WDR35: variants seen among roughly 807,000 people sequenced by gnomAD.
WDR35 encodes WD repeat-containing protein 35.
Under a neutral mutation model 158.3 loss-of-function variants are expected in WDR35, and 118 were observed. The observed-to-expected ratio is 0.75, with a 90% CI of 0.64 to 0.87. The LOEUF is 0.87. WDR35 is among the 40% of genes least tolerant of loss of function. The pLI is 0.00. For synonymous variants in WDR35, 448 were observed against 476.1 expected (o/e 0.94, Z 0.77); for missense variants, 1,263 against 1,405.8 (o/e 0.90, Z 1.62).
At chr2:19,971,239 A>C (rs1014662879) in intron 8 of WDR35, among the ~76,000 whole-genome samples, 2 of 152,198 alleles carry the variant, frequency 1.3e-5, no homozygotes, top group African/African-American at 4.8e-5. Flanking sequence ...CTCTAGGGTC[A>C]AATTTAATGT....
intron 3 of WDR35, 125 bp downstream of exon 3, chr2:19,982,338 T>G (rs1164342875): frequency 1.1e-6 from 1 of 948,510 alleles, no homozygotes; most frequent in Non-Finnish European, 1.6e-6. Flanking sequence ...CCATCGTAAC[T>G]CAAAGAGCAT....
intron 25 of WDR35, among the ~76,000 whole-genome samples, chr2:19,917,821 T>G (rs1045566769): frequency 1.6e-4 from 25 of 152,160 alleles, no homozygotes; most frequent in Admixed American, 1.1e-3. Context: ...AAAACACTCT[T>G]CAGGATATTA....
At chr2:19,942,092 C>T (rs555085562) in intron 16 of WDR35, among the ~76,000 whole-genome samples, 426 of 152,236 alleles carry the variant, frequency 2.8e-3, no homozygotes, top group African/African-American at 9.3e-3. Context: ...TACTGCAGTA[C>T]ATATCTTTAA....
chr2:19,921,754 T>C (rs555306641), intron 25 of WDR35, among the ~76,000 whole-genome samples: 2 of 152,326 alleles, frequency 1.3e-5, no homozygotes, highest in Admixed American at 6.5e-5. Flanking sequence ...AAAGAGCTTC[T>C]GCACAGCAAA....
intron 8 of WDR35, among the ~76,000 whole-genome samples, chr2:19,972,029 A>G (rs1482032023): frequency 6.6e-6 from 1 of 152,218 alleles, no homozygotes; most frequent in Non-Finnish European, 1.5e-5. Flanking sequence ...ACTTGACTAC[A>G]AACCCTATGC....
At chr2:19,920,123 G>A (rs1213303747) in intron 25 of WDR35, among the ~76,000 whole-genome samples, 1 of 152,154 alleles carries the variant, frequency 6.6e-6, no homozygotes, top group Non-Finnish European at 1.5e-5. Context: ...AGGACCAGAC[G>A]GATTCACAGC....
chr2:19,934,024 AACCACCACCACC>A lies in WDR35; in HGVS notation c.2548-525_2548-514del, dbSNP rs57759587. ...TTGGAAAGTGGTGGCAGCGAGGAAG[AACCACCACCACC>A]ACCACCACCACCACCACCACCACCA... On this transcript the variant is annotated intron_variant, in intron 21 of 26. Transcript: ENST00000281405. The surrounding 1 kb of genome is among the most constrained non-coding windows in gnomAD (Gnocchi z 4.6). Among the ~76,000 whole-genome samples the A allele has an allele frequency of 1.2e-3, 128 of 105,088 alleles. 2 individuals carry two copies. Among genetic ancestry groups the A allele is most frequent in the Middle Eastern group, 3.9e-3 (1 of 254 alleles). 68.9% of individuals were successfully genotyped at this position (105,088 alleles called of 152,430 possible).
intron 19 of WDR35, 88 bp from the exon 20 acceptor site, chr2:19,936,453 C>T (rs1670700799): frequency 6.3e-7 from 1 of 1,584,256 alleles, no homozygotes; most frequent in Non-Finnish European, 8.6e-7. Context: ...GTTCTAGGTG[C>T]TGAGGCTACA....
At position 19,914,120 on chromosome 2, in the gene WDR35, C is replaced by G. The variant is rs148436608; in HGVS notation, c.3279G>C (p.Gln1093His). The G allele has an allele frequency of 1.2e-3, 1,860 of 1,614,116 alleles. 9 individuals are homozygous for G. The highest frequency in any genetic ancestry group is 6.5e-4 in the Non-Finnish European group (772 of 1,179,992). The change falls in exon 26 of 27, where the codon CAG becomes CAC. Residue 1093 changes from glutamine (Q) to histidine (H), a missense_variant. By Grantham distance (24) the Gln-to-His change is conservative (BLOSUM62 0). Transcript: ENST00000281405. ...LETLSSEQKQ[Q>H]YEDLALEIFT... ...AGATTTCTAAAGCAAGGTCTTCATA[C>G]TGCTGTTTCTGTTCTGAACTGAGGG...
chr2:19,927,822 T>C (rs1245806130), intron 25 of WDR35, among the ~76,000 whole-genome samples: 1 of 152,218 alleles, frequency 6.6e-6, no homozygotes, highest in African/African-American at 2.4e-5. Flanking sequence ...TAGTAATCCA[T>C]TAAAATGGAT....
intron 4 of WDR35, among the ~76,000 whole-genome samples, chr2:19,979,207 G>C (rs1436589286): frequency 6.6e-6 from 1 of 151,844 alleles, no homozygotes; most frequent in Non-Finnish European, 1.5e-5. Context: ...TAAAACTACT[G>C]ATTTTTCTGA....
Position 19,937,831 on chromosome 2 carries a change from G to A in WDR35, c.2179C>T (p.Leu727=). ...TCAGCCTGTTTCATTGACTCACTCAGTAGTTTGCCCAAGCGCTTCACAAAC... is the reference window on the plus strand; with the variant it reads ...TCAGCCTGTTTCATTGACTCACTCAATAGTTTGCCCAAGCGCTTCACAAAC... ...IKFVKRLGKL[L]SESMKQAEVV... The change falls in exon 19 of 27, where the codon CTG becomes TTG. Residue 727 remains leucine, a synonymous_variant. Transcript: ENST00000281405. 3 of 1,614,126 alleles carry A rather than the reference G, an allele frequency of 1.9e-6. No homozygotes were observed. The highest frequency in any genetic ancestry group is 2.5e-6 in the Non-Finnish European group (3 of 1,180,012).
rs1240769943 is a variant in WDR35 at position 19,934,024 on chromosome 2, A to ACC, written c.2548-514_2548-513insGG. Among the ~76,000 whole-genome samples, 1 of 105,072 alleles carries ACC rather than the reference A, an allele frequency of 9.5e-6. No individual in the cohort carries two copies. The highest frequency in any genetic ancestry group is 1.8e-5 in the Non-Finnish European group (1 of 54,102). The allele number at this position is 105,072 out of a possible 152,430, so 68.9% of individuals were successfully genotyped here. A position where few individuals can be genotyped will look rare whatever the true frequency, so the allele number is the denominator to read the frequency against. ...TTGGAAAGTGGTGGCAGCGAGGAAG[A>ACC]ACCACCACCACCACCACCACCACCA... On this transcript the variant is annotated intron_variant, in intron 21 of 26. Transcript: ENST00000281405. The surrounding 1 kb of genome is among the most constrained non-coding windows in gnomAD (Gnocchi z 4.6).
intron 17 of WDR35, among the ~76,000 whole-genome samples, chr2:19,938,722 ATG>A (rs1246989383): frequency 1.3e-5 from 2 of 152,296 alleles, no homozygotes; most frequent in South Asian, 4.1e-4. Context: ...ATGAGATAAC[ATG>A]TCTCAAAGAT....
chr2:19,917,339 A>G (rs1187479461), intron 25 of WDR35, among the ~76,000 whole-genome samples: 1 of 152,228 alleles, frequency 6.6e-6, no homozygotes, highest in African/African-American at 2.4e-5. Context: ...CTCTTCTCCT[A>G]CAAAGGATCA....
chr2:19,967,914 C>A (rs1310436590), intron 9 of WDR35, among the ~76,000 whole-genome samples: 1 of 152,128 alleles, frequency 6.6e-6, no homozygotes, highest in East Asian at 1.9e-4. Context: ...ATTTAGATTT[C>A]ATTATCTTTT....
intron 10 of WDR35, among the ~76,000 whole-genome samples, chr2:19,963,210 T>A (rs12613209): frequency 7.9e-5 from 12 of 152,084 alleles, no homozygotes; most frequent in Non-Finnish European, 5.9e-5. Flanking sequence ...GAATTTAGGG[T>A]TCAGTATGTT....
chr2:19,964,534 C>T (rs1322584401), intron 10 of WDR35, among the ~76,000 whole-genome samples: 1 of 151,918 alleles, frequency 6.6e-6, no homozygotes, highest in African/African-American at 2.4e-5. Flanking sequence ...CAGGCACACG[C>T]TGCCACGCCC....
intron 25 of WDR35, among the ~76,000 whole-genome samples, chr2:19,922,067 C>A (rs980061380): frequency 3.9e-5 from 6 of 152,268 alleles, no homozygotes; most frequent in Admixed American, 1.3e-4. Flanking sequence ...AGTCAGGAAA[C>A]AACAGATGCT....
Sources: gnomAD v4.1 joint callset for allele counts (sites outside exome capture counted in the v4.1 genomes callset) on GRCh38, gnomAD v4.1.1 for gene constraint, Gnocchi (gnomAD v3.1) non-coding constraint, MANE v1.5 for transcripts, NCBI Gene and HGNC (gene_info 2026-07-23, HGNC 2026-07-21) for gene names.